Variants in SLC44A1 observed in about 807,000 individuals in gnomAD.
SLC44A1 encodes the protein solute carrier family 44 member 1.
In SLC44A1, 26 loss-of-function variants were observed where a neutral mutation model predicts 79.3. The ratio of observed to expected loss-of-function variants is 0.33; its 90% CI spans 0.24 to 0.46. The LOEUF is 0.46. SLC44A1 is among the 20% of genes least tolerant of loss of function. The pLI is 1.00. For synonymous variants in SLC44A1, 263 were observed against 286.2 expected, an observed-to-expected ratio of 0.92 and a Z score of 0.82; for missense variants, 688 against 798.1, an observed-to-expected ratio of 0.86 and a Z score of 1.66.
At chr9:105,302,916 G>A (rs1247458687) in intron 2 of SLC44A1, among the ~76,000 whole-genome samples, 1 of 152,200 alleles carries the variant, frequency 6.6e-6, no homozygotes, top group African/African-American at 2.4e-5. Flanking sequence ...TGATGTAATG[G>A]TCCAGATAAG....
At chr9:105,299,087 G>T in intron 1 of SLC44A1, 133 bp from the exon 2 acceptor site, 1 of 614,600 alleles carries the variant, frequency 1.6e-6, no homozygotes, top group Non-Finnish European at 2.8e-6. Context: ...ACAAATATTT[G>T]AGTTGTGTCT....
intron 1 of SLC44A1, among the ~76,000 whole-genome samples, chr9:105,298,503 C>T (rs897981881): frequency 6.6e-6 from 1 of 152,100 alleles, no homozygotes; most frequent in African/African-American, 2.4e-5. Flanking sequence ...CAGCCCACCA[C>T]CACGCCCAGC....
At chr9:105,335,828 T>TA in intron 4 of SLC44A1, 129 bp downstream of exon 4, 1 of 893,672 alleles carries the variant, frequency 1.1e-6, no homozygotes, top group East Asian at 2.8e-5. Flanking sequence ...ACTTCCTTGC[T>TA]AAAAAATATT....
rs147833246 is a variant in SLC44A1 at position 105,350,493 on chromosome 9, A to G, written c.500+2042A>G. On this transcript the variant is annotated intron_variant, in intron 5 of 15. Transcript: ENST00000374720. ...ACTATGTTTTTGGTGACTTTTTTTA[A>G]TGGCAAAAGACCAGCACCAGGCAAA... Among the ~76,000 whole-genome samples the G allele has an allele frequency of 5.7e-4, 87 of 152,192 alleles. 1 individual carries two copies. The East Asian group carries it at 0.016, about 28-fold the overall frequency.
chr9:105,265,402 T>C (rs532926459), intron 1 of SLC44A1, among the ~76,000 whole-genome samples: 1 of 152,350 alleles, frequency 6.6e-6, no homozygotes, highest in East Asian at 1.9e-4. Context: ...TTGTAAACCT[T>C]TTGAGTTTGG....
chr9:105,278,122 C>G (rs573631270), intron 1 of SLC44A1, among the ~76,000 whole-genome samples: 1 of 150,438 alleles, frequency 6.6e-6, no homozygotes, highest in African/African-American at 2.4e-5. Context: ...AGTGCAGTGG[C>G]GCTGTCTCCA....
chr9:105,308,317 A>G (rs1831085947), intron 2 of SLC44A1, among the ~76,000 whole-genome samples: 1 of 152,214 alleles, frequency 6.6e-6, no homozygotes, highest in Non-Finnish European at 1.5e-5. Flanking sequence ...CAGGTTTTTT[A>G]CCACTTTACT....
intron 3 of SLC44A1, among the ~76,000 whole-genome samples, chr9:105,314,893 A>G (rs1274734485): frequency 6.6e-6 from 1 of 152,216 alleles, no homozygotes; most frequent in Admixed American, 6.5e-5. Flanking sequence ...TGCTAAAACA[A>G]TCCTTGAGAT....
intron 4 of SLC44A1, among the ~76,000 whole-genome samples, chr9:105,344,954 A>G (rs989846816): frequency 3.9e-5 from 6 of 152,182 alleles, no homozygotes; most frequent in Non-Finnish European, 7.3e-5. Context: ...AGGACAGCGC[A>G]AGCAGAGGGA....
At chr9:105,405,150 T>A (rs1284758844) in intron 15 of SLC44A1, among the ~76,000 whole-genome samples, 1 of 151,892 alleles carries the variant, frequency 6.6e-6, no homozygotes, top group Non-Finnish European at 1.5e-5. Context: ...TGAAACTACA[T>A]CTCTACTAAA....
chr9:105,392,790 G>C lies in SLC44A1; in HGVS notation c.*3734G>C, dbSNP rs1169978793. ...ATCAGTTCCAAAACCAGAACTGCCA[G>C]TAATGGTGACTTGAATATTTTATTT... On this transcript the variant is annotated 3_prime_UTR_variant, in exon 16 of 16. Coordinates refer to ENST00000374720, the MANE Select transcript of SLC44A1 (RefSeq NM_080546.5). The C allele has an allele frequency of 2.0e-6, 2 of 985,296 alleles. No homozygotes were observed. The highest frequency in any genetic ancestry group is 2.4e-6 in the Non-Finnish European group (2 of 829,918). 61.0% of individuals were successfully genotyped at this position (985,296 alleles called of 1,614,324 possible). A position where few individuals can be genotyped will look rare whatever the true frequency, so the allele number is the denominator to read the frequency against.
At chr9:105,415,690 G>A (rs997013927) in intron 15 of SLC44A1, among the ~76,000 whole-genome samples, 6 of 152,162 alleles carry the variant, frequency 3.9e-5, no homozygotes, top group African/African-American at 1.2e-4. Flanking sequence ...TTCTAACAGC[G>A]GTAATTAACA....
chr9:105,305,435 A>T (rs912014207), intron 2 of SLC44A1, among the ~76,000 whole-genome samples: 2 of 152,112 alleles, frequency 1.3e-5, no homozygotes, highest in Non-Finnish European at 2.9e-5. Context: ...ATCCTGCCCT[A>T]TCTGCTGGGT....
Position 105,389,089 on chromosome 9 carries a change from T to G in SLC44A1, c.*33T>G, listed in dbSNP as rs1467120911. On this transcript the variant is annotated 3_prime_UTR_variant, in exon 16 of 16. Transcript: ENST00000374720. The stretch of plus-strand genomic sequence containing the variant: ...CGACGGTTATGGAAACCCATTGACA[T>G]TCCAAAACAATATATACACATAACT... 1 of 1,612,498 alleles carries G rather than the reference T, an allele frequency of 6.2e-7. No homozygotes were observed. Among genetic ancestry groups the G allele is most frequent in the African/African-American group, 1.3e-5 (1 of 74,878 alleles).
chr9:105,399,896 T>C (rs1460845587), downstream of SLC44A1, among the ~76,000 whole-genome samples: 1 of 152,168 alleles, frequency 6.6e-6, no homozygotes, highest in Non-Finnish European at 1.5e-5. Context: ...AGGAGAATCA[T>C]TGAAAATGAA....
At chr9:105,378,850 C>G (rs1356351693) in intron 13 of SLC44A1, among the ~76,000 whole-genome samples, 1 of 152,142 alleles carries the variant, frequency 6.6e-6, no homozygotes, top group Non-Finnish European at 1.5e-5. Flanking sequence ...ACTAATAGAT[C>G]ATAATAAACA....
chr9:105,431,955 C>G (rs1464983143), intron 15 of SLC44A1, among the ~76,000 whole-genome samples: 3 of 152,222 alleles, frequency 2.0e-5, no homozygotes, highest in Admixed American at 1.3e-4. Flanking sequence ...CAGGGTCTCA[C>G]TCTGTTGCCC....
rs79730757 is a variant in SLC44A1, at chr9:105,286,283, G to A, written c.37-12937G>A. Among the ~76,000 whole-genome samples, 1,161 of 152,192 alleles carry A rather than the reference G, an allele frequency of 7.6e-3. 14 individuals carry two copies. Among genetic ancestry groups the A allele is most frequent in the African/African-American group, 0.026 (1,095 of 41,512 alleles). On this transcript the variant is annotated intron_variant, in intron 1 of 15. Coordinates refer to ENST00000374720, the MANE Select transcript of SLC44A1 (RefSeq NM_080546.5). ...GCGCAGCAAAGTGTCATGGGTCCTG[G>A]CCCAACTGTCTGGTTCACATTCCTG...
At chr9:105,378,943 A>C (rs956997127) in intron 13 of SLC44A1, among the ~76,000 whole-genome samples, 17 of 152,224 alleles carry the variant, frequency 1.1e-4, no homozygotes, top group African/African-American at 4.1e-4. Context: ...TGAGCGAAAA[A>C]ATCTAATCCC....
Sources: allele counts gnomAD v4.1 joint callset (sites outside exome capture counted in the v4.1 genomes callset), GRCh38; gene constraint gnomAD v4.1.1; transcripts MANE v1.5; gene names NCBI Gene and HGNC (gene_info 2026-07-23, HGNC 2026-07-21).